The following PBX3 variants were observed in gnomAD, a reference collection of about 807,000 sequenced individuals.
PBX3 encodes the protein pre-B-cell leukemia transcription factor 3.
PBX3 carries 14 observed loss-of-function variants against 48.5 expected under a neutral mutation model. That is an observed-to-expected ratio of 0.29 (90% CI 0.19 to 0.45). The LOEUF (loss-of-function observed/expected upper bound fraction) is 0.45. PBX3 is among the 20% of genes least tolerant of loss of function. The pLI is 1.00. For missense variants in PBX3, 386 were observed against 546.7 expected, an observed-to-expected ratio of 0.71 and a Z score of 2.93; for synonymous variants, 210 against 200.3, an observed-to-expected ratio of 1.05 and a Z score of -0.41.
intron 2 of PBX3, among the ~76,000 whole-genome samples, chr9:125,887,655 G>A (rs1034600182): frequency 6.6e-6 from 1 of 152,032 alleles, no homozygotes; most frequent in Non-Finnish European, 1.5e-5. Context: ...ACTTTTCTGT[G>A]TATTTTTGTT....
At chr9:125,784,274 G>A (rs1837402300) in intron 2 of PBX3, among the ~76,000 whole-genome samples, 2 of 152,126 alleles carry the variant, frequency 1.3e-5, no homozygotes, top group South Asian at 4.1e-4. Flanking sequence ...GATTACAGGC[G>A]TATGGCACCA....
At chr9:125,947,035 AGT>A (rs1224067114) in intron 5 of PBX3, among the ~76,000 whole-genome samples, 1 of 152,218 alleles carries the variant, frequency 6.6e-6, no homozygotes, top group East Asian at 1.9e-4. Flanking sequence ...ATATCTTTAA[AGT>A]GATGAATCAA....
chr9:125,955,269 G>A (rs1842280396), intron 5 of PBX3, among the ~76,000 whole-genome samples: 1 of 152,144 alleles, frequency 6.6e-6, no homozygotes, highest in African/African-American at 2.4e-5. Flanking sequence ...CTTGCCCAGA[G>A]CTTCTCCCGC....
intron 2 of PBX3, among the ~76,000 whole-genome samples, chr9:125,858,158 G>A (rs1839770522): frequency 6.6e-6 from 1 of 152,168 alleles, no homozygotes; most frequent in Non-Finnish European, 1.5e-5. Flanking sequence ...GAGCCTAGGA[G>A]TTCAAGACCA....
chr9:125,869,716 A>G (rs1265464771), intron 2 of PBX3, among the ~76,000 whole-genome samples: 1 of 152,228 alleles, frequency 6.6e-6, no homozygotes, highest in Non-Finnish European at 1.5e-5. Flanking sequence ...GAAAGCTTTC[A>G]CTACCAATAG....
chr9:125,867,658 C>A (rs1216660467), intron 2 of PBX3, among the ~76,000 whole-genome samples: 13 of 131,936 alleles, frequency 9.9e-5, no homozygotes, highest in East Asian at 9.3e-4. Context: ...AAAAAAAAAA[C>A]CACAAAAACA....
At chr9:125,926,064 T>C (rs180775510) in intron 3 of PBX3, among the ~76,000 whole-genome samples, 1 of 152,376 alleles carries the variant, frequency 6.6e-6, no homozygotes, top group Admixed American at 6.5e-5. Flanking sequence ...ACTTCAATTA[T>C]CTTTGTTTTA....
At chr9:125,782,100 A>G (rs1052771502) in intron 2 of PBX3, among the ~76,000 whole-genome samples, 1 of 152,206 alleles carries the variant, frequency 6.6e-6, no homozygotes, top group Non-Finnish European at 1.5e-5. Flanking sequence ...TGCTCCTGCT[A>G]AAGACATACC....
intron 2 of PBX3, among the ~76,000 whole-genome samples, chr9:125,807,189 T>G (rs1838149849): frequency 6.6e-6 from 1 of 152,076 alleles, no homozygotes. Flanking sequence ...TTGGGTGTGG[T>G]GGCATGTGCC....
intron 2 of PBX3, among the ~76,000 whole-genome samples, chr9:125,799,214 A>G (rs1016909590): frequency 1.3e-5 from 2 of 152,182 alleles, no homozygotes; most frequent in Admixed American, 1.3e-4. Flanking sequence ...GACCAGAAGT[A>G]ACAATAATTA....
intron 2 of PBX3, among the ~76,000 whole-genome samples, chr9:125,869,779 C>T (rs1267440085): frequency 2.6e-5 from 4 of 151,786 alleles, no homozygotes; most frequent in African/African-American, 9.7e-5. Flanking sequence ...AAACAAAAAC[C>T]CTCAGAAGGA....
At chr9:125,780,245 C>CA (rs1837223842) in intron 2 of PBX3, among the ~76,000 whole-genome samples, 5 of 130,990 alleles carry the variant, frequency 3.8e-5, no homozygotes, top group East Asian at 2.8e-4. Context: ...GGGGGCTGAG[C>CA]CCCCCACCTC....
intron 8 of PBX3, 67 bp downstream of exon 8, chr9:125,963,168 A>C: frequency 1.2e-6 from 1 of 819,774 alleles, no homozygotes; most frequent in Non-Finnish European, 1.9e-6. Flanking sequence ...TAAAGAAATT[A>C]ATAGCCATTT....
intron 2 of PBX3, among the ~76,000 whole-genome samples, chr9:125,909,977 A>G (rs751529930): frequency 4.6e-5 from 7 of 152,212 alleles, no homozygotes; most frequent in Non-Finnish European, 1.0e-4. Flanking sequence ...TTCTGCCAAC[A>G]GCTTTATAAT....
At chr9:125,897,628 A>G (rs867214518) in intron 2 of PBX3, among the ~76,000 whole-genome samples, 9 of 151,918 alleles carry the variant, frequency 5.9e-5, no homozygotes, top group Non-Finnish European at 1.3e-4. Context: ...AAAAAACCAC[A>G]TACTAAAATT....
chr9:125,853,326 C>T (rs560063049), intron 2 of PBX3, among the ~76,000 whole-genome samples: 7 of 152,208 alleles, frequency 4.6e-5, no homozygotes, highest in Middle Eastern at 3.4e-3. Flanking sequence ...TTTCTAGGAA[C>T]GGTTGCCAAG....
intron 2 of PBX3, among the ~76,000 whole-genome samples, chr9:125,871,136 C>T (rs992418444): frequency 3.3e-5 from 5 of 152,118 alleles, no homozygotes; most frequent in East Asian, 1.9e-4. Context: ...CAGTGGCTCA[C>T]GCCTGTAATC....
At chr9:125,887,788 A>G (rs1187929482) in intron 2 of PBX3, among the ~76,000 whole-genome samples, 2 of 152,174 alleles carry the variant, frequency 1.3e-5, no homozygotes, top group Non-Finnish European at 2.9e-5. Flanking sequence ...TGTTATTAGA[A>G]AGTAAGGGTA....
At chr9:125,792,743 A>T (rs7857380) in intron 2 of PBX3, among the ~76,000 whole-genome samples, 16 of 149,944 alleles carry the variant, frequency 1.1e-4, no homozygotes, top group African/African-American at 3.4e-4. Flanking sequence ...CTGTTGCCCA[A>T]GCTGGAGTGC....
Sources: allele counts gnomAD v4.1 joint callset (sites outside exome capture counted in the v4.1 genomes callset), GRCh38; gene constraint gnomAD v4.1.1; transcripts MANE v1.5; gene names NCBI Gene and HGNC (gene_info 2026-07-23, HGNC 2026-07-21).